UGGT1: variants seen among roughly 807,000 people sequenced by gnomAD.
UGGT1 encodes the protein UDP-glucose:glycoprotein glucosyltransferase 1.
Under a neutral mutation model 203.9 loss-of-function variants are expected in UGGT1, and 107 were observed. The ratio of observed to expected loss-of-function variants is 0.52; its 90% CI spans 0.45 to 0.62. The LOEUF (loss-of-function observed/expected upper bound fraction) is 0.62, where lower values mean the gene tolerates loss of function less well. Among genes scored for constraint, UGGT1 ranks in the 20% least tolerant of loss-of-function variants. The pLI is 0.00. For missense variants in UGGT1, 1,673 were observed against 1,867.2 expected (o/e 0.90, Z 1.92); for synonymous variants, 628 against 653.5 (o/e 0.96, Z 0.59).
At chr2:128,120,595 T>G (rs1688330879) in intron 9 of UGGT1, 139 bp downstream of exon 9, 2 of 684,580 alleles carry the variant, frequency 2.9e-6, no homozygotes, top group South Asian at 3.9e-5. Context: ...AGTGATTAAT[T>G]ACGATTAATC....
intron 25 of UGGT1, 133 bp downstream of exon 25, chr2:128,161,401 C>A: frequency 9.6e-7 from 1 of 1,044,598 alleles, no homozygotes; most frequent in Non-Finnish European, 1.3e-6. Context: ...TCTAATAATA[C>A]TCTTCAATTC....
rs201562265 is a variant in UGGT1 at position 128,145,870 on chromosome 2, C to T, written c.1919C>T (p.Pro640Leu). 12 of 1,613,944 alleles carry T rather than the reference C, an allele frequency of 7.4e-6. No individual in the cohort carries two copies. The African/African-American group carries it at 1.3e-4, about 18-fold the overall frequency. Residue 640 changes from proline to leucine, a missense_variant, in exon 18 of 41, where the codon CCC becomes CTC. By Grantham distance (98) the Pro-to-Leu change is moderately conservative. Coordinates refer to ENST00000259253, the MANE Select transcript of UGGT1 (RefSeq NM_020120.4). Reference sequence around the variant, plus strand: ...CCCGTTGTGCTGTTCAATGGAATGCCCTTTGAAAGGGAACAGCTAGACCCT... The same window carrying T: ...CCCGTTGTGCTGTTCAATGGAATGCTCTTTGAAAGGGAACAGCTAGACCCT... Reference protein sequence around the residue: ...PLPVVLFNGMPFEREQLDPDE... With the variant: ...PLPVVLFNGMLFEREQLDPDE...
intron 2 of UGGT1, among the ~76,000 whole-genome samples, 178 bp downstream of exon 2, chr2:128,097,742 T>C (rs904269039): frequency 1.3e-5 from 2 of 152,244 alleles, no homozygotes; most frequent in East Asian, 1.9e-4. Flanking sequence ...CATCATTCAG[T>C]AGGACAAGGG....
chr2:128,154,778 CTG>C (rs1320981255), intron 19 of UGGT1, among the ~76,000 whole-genome samples: 2 of 152,058 alleles, frequency 1.3e-5, no homozygotes, highest in African/African-American at 2.4e-5. Context: ...GTCTGACAGA[CTG>C]TGATGAGAAG....
chr2:128,164,733 A>G lies in UGGT1; in HGVS notation c.2829A>G (p.Ala943=). Residue 943 remains alanine (A), a synonymous_variant, in exon 26 of 41, where the codon GCA becomes GCG. Transcript: ENST00000259253. Reference sequence around the variant, plus strand: ...TTTCTCTAACCCCTTCTTTCAGGGCAAGCGACTTGGTAATGAAGGTGGATG... The same window carrying G: ...TTTCTCTAACCCCTTCTTTCAGGGCGAGCGACTTGGTAATGAAGGTGGATG... ...IQQLRVEEDV[A]SDLVMKVDAL... 1 of 1,614,020 alleles carries G rather than the reference A, an allele frequency of 6.2e-7. No individual in the cohort carries two copies. Among genetic ancestry groups the G allele is most frequent in the Non-Finnish European group, 8.5e-7 (1 of 1,179,916 alleles).
At chr2:128,183,937 T>TGTGTGA (rs151153786) in intron 38 of UGGT1, 148 bp downstream of exon 38, 60 of 328,434 alleles carry the variant, frequency 1.8e-4, no homozygotes, top group East Asian at 5.4e-4. Flanking sequence ...TGTGTGTGTG[T>TGTGTGA]GAGAGAGAGA....
chr2:128,098,748 C>CAA (rs60029946), intron 2 of UGGT1, among the ~76,000 whole-genome samples: 1,159 of 94,910 alleles, frequency 0.012, 14 homozygotes, highest in African/African-American at 0.041. Context: ...GACTCCGTCT[C>CAA]AAAAAAAAAA....
rs768996701 is a variant in UGGT1 at position 128,127,459 on chromosome 2, A to T, written c.1226+7A>T. 1.3e-6 allele frequency: 2 copies of T among 1,599,248 alleles called. No individual in the cohort carries two copies. Among genetic ancestry groups the T allele is most frequent in the South Asian group, 1.1e-5 (1 of 89,698 alleles). On this transcript the variant is annotated splice_region_variant and intron_variant, in intron 12 of 40. Coordinates refer to ENST00000259253, the MANE Select transcript of UGGT1 (RefSeq NM_020120.4). ...ATACACAGGATATATTCAGGTATGG[A>T]TAATATTTTTCATTCTCTGAAAAGT... is the stretch of plus-strand genomic sequence containing the variant.
intron 3 of UGGT1, 94 bp from the exon 4 acceptor site, chr2:128,107,844 A>G (rs1370392236): frequency 1.3e-6 from 2 of 1,553,518 alleles, no homozygotes; most frequent in East Asian, 2.3e-5. Context: ...GCCTTCACAT[A>G]CCTTTGTAAA....
chr2:128,104,934 A>C (rs935904412), intron 3 of UGGT1, among the ~76,000 whole-genome samples: 3 of 152,110 alleles, frequency 2.0e-5, no homozygotes, highest in African/African-American at 7.2e-5. Context: ...GGCATGAGCC[A>C]CTGTGCCTGG....
At chr2:128,145,513 CACACACACACAT>C (rs923237728) in intron 17 of UGGT1, 20 of 218,156 alleles carry the variant, frequency 9.2e-5, no homozygotes, top group African/African-American at 3.9e-4. Context: ...CACACACACA[CACACACACACAT>C]ACACAAACAC....
chr2:128,155,621 A>C, intron 20 of UGGT1, 34 bp downstream of exon 20: 1 of 1,542,704 alleles, frequency 6.5e-7, no homozygotes. Flanking sequence ...CTTGCATTCA[A>C]CATTTTTTTG....
intron 14 of UGGT1, 118 bp downstream of exon 14, chr2:128,133,378 C>A: frequency 7.5e-7 from 1 of 1,326,540 alleles, no homozygotes; most frequent in South Asian, 1.3e-5. Flanking sequence ...CCCCACCCTT[C>A]ACCAAATACT....
At chr2:128,151,983 A>G (rs1689996061) in intron 18 of UGGT1, among the ~76,000 whole-genome samples, 2 of 152,346 alleles carry the variant, frequency 1.3e-5, no homozygotes, top group Non-Finnish European at 1.5e-5. Context: ...CTCTGAGATC[A>G]CCTTCAAGAA....
rs1009026097 is a variant in UGGT1 at position 128,142,820 on chromosome 2, A to G, written c.1720-274A>G. Among the ~76,000 whole-genome samples the G allele has an allele frequency of 6.6e-5, 10 of 151,168 alleles. No homozygotes were observed. In the South Asian group the frequency reaches 1.9e-3, roughly 29 times the overall value. On this transcript the variant is annotated intron_variant, in intron 16 of 40. Transcript: ENST00000259253. ...CAACATGGTGAAACCTGTCTCTACTAAAAATACAAAAAATTAGCTGGGCGT... is the reference window on the plus strand; with the variant it reads ...CAACATGGTGAAACCTGTCTCTACTGAAAATACAAAAAATTAGCTGGGCGT...
At chr2:128,141,467 T>C (rs913594614) in intron 16 of UGGT1, among the ~76,000 whole-genome samples, 1 of 151,784 alleles carries the variant, frequency 6.6e-6, no homozygotes, top group South Asian at 2.1e-4. Flanking sequence ...TAAATGGGCG[T>C]GGTGGCAGGC....
At chr2:128,134,783 T>C in intron 14 of UGGT1, 93 bp from the exon 15 acceptor site, 1 of 1,047,122 alleles carries the variant, frequency 9.5e-7, no homozygotes, top group Non-Finnish European at 1.4e-6. Flanking sequence ...CGAAAAAGGT[T>C]GGCTTCATGT....
At chr2:128,138,479 C>T (rs1320105699) in intron 15 of UGGT1, among the ~76,000 whole-genome samples, 1 of 151,456 alleles carries the variant, frequency 6.6e-6, no homozygotes. Flanking sequence ...TGCACCATTG[C>T]ACTCCACCCT....
chr2:128,110,496 G>A (rs1014364351), intron 5 of UGGT1, among the ~76,000 whole-genome samples: 1 of 152,168 alleles, frequency 6.6e-6, no homozygotes, highest in Non-Finnish European at 1.5e-5. Context: ...AGCCATCTCC[G>A]GGTCAAGGCA....
Sources: allele counts gnomAD v4.1 joint callset (sites outside exome capture counted in the v4.1 genomes callset), GRCh38; gene constraint gnomAD v4.1.1; transcripts MANE v1.5; gene names NCBI Gene and HGNC (gene_info 2026-07-23, HGNC 2026-07-21).